GLIS1: variants seen among roughly 807,000 people sequenced by gnomAD.
GLIS1 encodes GLIS family zinc finger 1, also known as zinc finger protein GLIS1.
In GLIS1, 24 loss-of-function variants were observed where a neutral mutation model predicts 63.8. The observed-to-expected ratio is 0.38, with a 90% CI of 0.27 to 0.53. The LOEUF (loss-of-function observed/expected upper bound fraction) is 0.53. GLIS1 is among the 20% of genes least tolerant of loss of function. The pLI, the probability that GLIS1 is intolerant of heterozygous loss-of-function variation, is 0.85. For synonymous variants in GLIS1, 450 were observed against 482.5 expected (o/e 0.93, Z 0.88); for missense variants, 1,036 against 1,074.1 (o/e 0.96, Z 0.50).
At chr1:53,632,479 TGA>T (rs1430605826) in intron 2 of GLIS1, among the ~76,000 whole-genome samples, 1 of 143,638 alleles carries the variant, frequency 7.0e-6, no homozygotes, top group Non-Finnish European at 1.5e-5. Context: ...TGGGTGTGAC[TGA>T]GGGGCATGTG....
chr1:53,727,114 G>A (rs1263848326), intron 2 of GLIS1, among the ~76,000 whole-genome samples: 1 of 152,352 alleles, frequency 6.6e-6, no homozygotes, highest in Middle Eastern at 3.4e-3. Context: ...GGCCTAGCAG[G>A]TAATGTAGTC....
At chr1:53,555,222 A>G (rs1221687066) in intron 4 of GLIS1, among the ~76,000 whole-genome samples, 1 of 152,218 alleles carries the variant, frequency 6.6e-6, no homozygotes, top group Non-Finnish European at 1.5e-5. Context: ...GGCTGCTGAG[A>G]GAGATGTGCC....
At chr1:53,552,809 C>T (rs1017158815) in intron 4 of GLIS1, among the ~76,000 whole-genome samples, 3 of 152,200 alleles carry the variant, frequency 2.0e-5, no homozygotes, top group Non-Finnish European at 4.4e-5. Flanking sequence ...TTTTTGTCAT[C>T]GGCCCTGGAA....
intron 4 of GLIS1, among the ~76,000 whole-genome samples, chr1:53,583,355 A>T (rs3006886): frequency 0.99 from 150,831 of 152,332 alleles, 74,689 homozygotes; most frequent in Middle Eastern, 1. Flanking sequence ...GCTTGAAAAC[A>T]CTATGGCTTG....
rs958002839 is a variant in GLIS1, at chr1:53,723,119, T to A, written c.259+14687A>T. ...CTGCACTCCAGCCTGGGTGACAGAG[T>A]GAGACTCTGTCTCAAAAAAAATAAA... On this transcript the variant is annotated intron_variant, in intron 2 of 10. Coordinates refer to ENST00000628545, the MANE Select transcript of GLIS1 (RefSeq NM_001367484.1). 2.0e-5 allele frequency among the ~76,000 whole-genome samples: 3 copies of A among 151,388 alleles called. No individual in the cohort carries two copies. The South Asian group carries it at 6.3e-4, about 32-fold the overall frequency.
intron 2 of GLIS1, among the ~76,000 whole-genome samples, chr1:53,622,248 T>C (rs896757420): frequency 6.6e-6 from 1 of 150,934 alleles, no homozygotes; most frequent in East Asian, 2.0e-4. Context: ...GCCAACATGG[T>C]GAAACCCTGT....
Position 53,560,316 on chromosome 1 carries a change from A to AGGGGTTGCT in GLIS1, c.1321-30373_1321-30365dup, listed in dbSNP as rs1644873242. Among the ~76,000 whole-genome samples, 1 of 152,134 alleles carries AGGGGTTGCT rather than the reference A, an allele frequency of 6.6e-6. No individual in the cohort carries two copies. The highest frequency in any genetic ancestry group is 2.1e-4 in the South Asian group (1 of 4,820). On this transcript the variant is annotated intron_variant, in intron 4 of 10. Transcript: ENST00000628545. The surrounding 1 kb of genome is among the most constrained non-coding windows in gnomAD (Gnocchi z 4.4). ...GCACTGAGGGAAGACAAGGAGCCCTAGGGGTTGCTGGGCCTGCCCCTGCCC... is the reference window on the plus strand; with the variant it reads ...GCACTGAGGGAAGACAAGGAGCCCTAGGGGTTGCTGGGGTTGCTGGGCCTGCCCCTGCCC...
At chr1:53,710,381 G>A (rs191102461) in intron 2 of GLIS1, among the ~76,000 whole-genome samples, 95 of 152,358 alleles carry the variant, frequency 6.2e-4, no homozygotes, top group Admixed American at 2.2e-3. Flanking sequence ...ACATCCTCTC[G>A]CATGCTTTAT....
intron 2 of GLIS1, among the ~76,000 whole-genome samples, chr1:53,654,261 T>C (rs986505692): frequency 1.3e-5 from 2 of 152,216 alleles, no homozygotes; most frequent in Non-Finnish European, 2.9e-5. Context: ...AACAAGATCA[T>C]GTGGAACTAC....
intron 4 of GLIS1, among the ~76,000 whole-genome samples, chr1:53,541,119 T>A (rs1644638789): frequency 6.6e-6 from 1 of 151,694 alleles, no homozygotes; most frequent in South Asian, 2.1e-4. Flanking sequence ...CCTGAGAGAG[T>A]TGGGGGTGGG....
intron 2 of GLIS1, among the ~76,000 whole-genome samples, chr1:53,686,442 G>C (rs570563926): frequency 4.6e-5 from 7 of 152,340 alleles, no homozygotes; most frequent in Admixed American, 2.0e-4. Flanking sequence ...GGGAAAGAAG[G>C]TTAGGAAAGA....
chr1:53,535,432 C>A (rs1255686033), intron 4 of GLIS1, among the ~76,000 whole-genome samples: 1 of 152,094 alleles, frequency 6.6e-6, no homozygotes, highest in Non-Finnish European at 1.5e-5. Flanking sequence ...CGACATGGGC[C>A]CCTAAGCCTC....
At chr1:53,713,794 A>G (rs956728783) in intron 2 of GLIS1, among the ~76,000 whole-genome samples, 8 of 152,252 alleles carry the variant, frequency 5.3e-5, no homozygotes, top group African/African-American at 1.9e-4. Flanking sequence ...CACACCAGAG[A>G]GCAAGAGAGA....
intron 2 of GLIS1, among the ~76,000 whole-genome samples, chr1:53,699,377 G>A (rs1646500391): frequency 6.6e-6 from 1 of 152,060 alleles, no homozygotes; most frequent in African/African-American, 2.4e-5. Flanking sequence ...TGTTCTTGAT[G>A]CCTGATCTTA....
chr1:53,724,542 T>C (rs1047100772), intron 2 of GLIS1, among the ~76,000 whole-genome samples: 12 of 152,294 alleles, frequency 7.9e-5, no homozygotes, highest in Middle Eastern at 3.4e-3. Flanking sequence ...TTTTGAGAGA[T>C]AGGGTCTTGC....
At chr1:53,630,223 C>T (rs1033744987) in intron 2 of GLIS1, among the ~76,000 whole-genome samples, 6 of 152,188 alleles carry the variant, frequency 3.9e-5, no homozygotes, top group Admixed American at 6.5e-5. Context: ...CATGATATCA[C>T]ACCATGATTT....
At chr1:53,597,302 G>T (rs993031267) in intron 3 of GLIS1, among the ~76,000 whole-genome samples, 3 of 150,230 alleles carry the variant, frequency 2.0e-5, no homozygotes, top group Middle Eastern at 3.5e-3. Context: ...GAACCCGGGA[G>T]GCGGAGCTTG....
intron 4 of GLIS1, among the ~76,000 whole-genome samples, chr1:53,569,028 A>T (rs887283691): frequency 6.6e-6 from 1 of 152,224 alleles, no homozygotes; most frequent in African/African-American, 2.4e-5. Flanking sequence ...ACTTAAATGC[A>T]TATTACTAAA....
chr1:53,512,761 G>A (rs770112707), intron 8 of GLIS1, among the ~76,000 whole-genome samples: 2 of 152,084 alleles, frequency 1.3e-5, no homozygotes, highest in Admixed American at 6.6e-5. Flanking sequence ...TTATGCAGGC[G>A]GCAGGCAGGT....
Sources: allele counts gnomAD v4.1 joint callset (sites outside exome capture counted in the v4.1 genomes callset), GRCh38; gene constraint gnomAD v4.1.1; non-coding constraint Gnocchi (gnomAD v3.1); transcripts MANE v1.5; gene names NCBI Gene and HGNC (gene_info 2026-07-23, HGNC 2026-07-21).